IPO11: variants seen among roughly 807,000 people sequenced by gnomAD.
IPO11 encodes the protein importin 11, also known as importin-11.
IPO11 carries 66 observed loss-of-function variants against 143.2 expected under a neutral mutation model. The ratio of observed to expected loss-of-function variants is 0.46; its 90% CI spans 0.38 to 0.57. The LOEUF is 0.57. Ranked by LOEUF, IPO11 falls within the 20% of genes least tolerant of loss-of-function variation. The pLI, the probability that IPO11 is intolerant of heterozygous loss-of-function variation, is 0.00. For missense variants in IPO11, 1,026 were observed against 1,141.0 expected (o/e 0.90, Z 1.45); for synonymous variants, 385 against 377.8 (o/e 1.02, Z -0.22).
At chr5:62,519,923 G>A (rs2112294459) in intron 20 of IPO11, among the ~76,000 whole-genome samples, 1 of 152,236 alleles carries the variant, frequency 6.6e-6, no homozygotes, top group East Asian at 1.9e-4. Flanking sequence ...CTGTCATCTA[G>A]GGTCCCCTCT....
chr5:62,469,688 T>C (rs376548416), intron 6 of IPO11, among the ~76,000 whole-genome samples: 2 of 152,260 alleles, frequency 1.3e-5, no homozygotes, highest in East Asian at 3.9e-4. Context: ...CTGTAGACAA[T>C]AGATCAAGGA....
intron 24 of IPO11, among the ~76,000 whole-genome samples, chr5:62,547,739 C>G (rs1433849270): frequency 6.6e-6 from 1 of 152,014 alleles, no homozygotes; most frequent in Admixed American, 6.6e-5. Context: ...GCCACAACCC[C>G]CTCCTCCCTG....
At position 62,623,215 on chromosome 5, in the gene IPO11, C is replaced by G. The variant is rs115106375; in HGVS notation, c.2764-3939C>G. 4.7e-3 allele frequency among the ~76,000 whole-genome samples: 717 copies of G among 152,256 alleles called. 7 individuals are homozygous for G. The highest frequency in any genetic ancestry group is 0.017 in the African/African-American group (693 of 41,556). On this transcript the variant is annotated intron_variant, in intron 29 of 29. Coordinates refer to ENST00000325324, the MANE Select transcript of IPO11 (RefSeq NM_016338.5). ...TTTTTGAAGACCACATGGTTAAATA[C>G]ATTGTTGTAGATCAATTTTCCTTTA...
intron 1 of IPO11, among the ~76,000 whole-genome samples, chr5:62,427,401 A>T (rs1339491236): frequency 6.6e-6 from 1 of 152,128 alleles, no homozygotes; most frequent in South Asian, 2.1e-4. Context: ...TTTGTTGTGC[A>T]TTTTTTCCTC....
intron 27 of IPO11, chr5:62,561,980 G>A (rs1743788287): frequency 6.6e-6 from 1 of 152,130 alleles, no homozygotes; most frequent in Non-Finnish European, 1.5e-5. Context: ...ATGTGGTATG[G>A]GACATTGCTT....
At chr5:62,515,332 A>G in intron 19 of IPO11, 56 bp from the exon 20 acceptor site, 1 of 1,151,838 alleles carries the variant, frequency 8.7e-7, no homozygotes, top group Non-Finnish European at 1.3e-6. Flanking sequence ...TTTTCAAAGT[A>G]AATTGCCTTC....
At chr5:62,592,525 A>G (rs904894984) in intron 28 of IPO11, among the ~76,000 whole-genome samples, 2 of 152,176 alleles carry the variant, frequency 1.3e-5, no homozygotes, top group African/African-American at 4.8e-5. Context: ...CATTCAATGT[A>G]GGCAGGTTTT....
At chr5:62,425,427 C>T (rs1743696986) in intron 1 of IPO11, among the ~76,000 whole-genome samples, 1 of 152,206 alleles carries the variant, frequency 6.6e-6, no homozygotes, top group Non-Finnish European at 1.5e-5. Context: ...AGGCGATTCT[C>T]CTGCCTCAGC....
At chr5:62,414,329 A>G (rs898488170) in intron 1 of IPO11, among the ~76,000 whole-genome samples, 1 of 152,224 alleles carries the variant, frequency 6.6e-6, no homozygotes, top group South Asian at 2.1e-4. Context: ...AGCAATAAAA[A>G]TATTCAAATT....
At chr5:62,507,568 G>A (rs1055663003) in intron 19 of IPO11, among the ~76,000 whole-genome samples, 14 of 152,140 alleles carry the variant, frequency 9.2e-5, no homozygotes, top group African/African-American at 2.9e-4. Flanking sequence ...AGGATTTCAT[G>A]AGCATAAAAT....
chr5:62,545,931 TAA>T (rs1743157945), intron 24 of IPO11, among the ~76,000 whole-genome samples: 1 of 152,082 alleles, frequency 6.6e-6, no homozygotes, highest in Non-Finnish European at 1.5e-5. Context: ...TGGCAACCAT[TAA>T]AAAGTCAGGA....
intron 21 of IPO11, among the ~76,000 whole-genome samples, chr5:62,527,666 T>C (rs576990753): frequency 6.6e-5 from 10 of 152,282 alleles, no homozygotes; most frequent in African/African-American, 1.9e-4. Flanking sequence ...AGGGATTACA[T>C]TAAAAAGTAA....
At chr5:62,450,587 A>G (rs955764990) in intron 4 of IPO11, among the ~76,000 whole-genome samples, 3 of 151,146 alleles carry the variant, frequency 2.0e-5, no homozygotes, top group African/African-American at 7.3e-5. Flanking sequence ...TAAGTGATAC[A>G]TGGTTATATT....
intron 19 of IPO11, among the ~76,000 whole-genome samples, chr5:62,513,288 CGG>C (rs1417726411): frequency 9.0e-5 from 8 of 88,708 alleles, no homozygotes; most frequent in East Asian, 2.3e-4. Context: ...CCCTCCCGGA[CGG>C]GGCGGCTGGC....
intron 1 of IPO11, among the ~76,000 whole-genome samples, chr5:62,429,955 C>T (rs1743919593): frequency 6.6e-6 from 1 of 152,044 alleles, no homozygotes; most frequent in African/African-American, 2.4e-5. Flanking sequence ...GATGGGTTTT[C>T]ACCATGTTGG....
chr5:62,559,918 A>AAC (rs1743712253), intron 26 of IPO11, among the ~76,000 whole-genome samples: 1 of 120,328 alleles, frequency 8.3e-6, no homozygotes, highest in South Asian at 2.8e-4. Context: ...CTCTGTCTCA[A>AAC]AAAAAAAAAA....
intron 22 of IPO11, among the ~76,000 whole-genome samples, chr5:62,534,594 G>C (rs1742672379): frequency 6.6e-6 from 1 of 152,276 alleles, no homozygotes; most frequent in African/African-American, 2.4e-5. Context: ...GTTTACCTTA[G>C]AGTTCTGTAG....
intron 29 of IPO11, among the ~76,000 whole-genome samples, chr5:62,606,504 A>AG (rs1298801833): frequency 1.3e-5 from 2 of 150,400 alleles, no homozygotes; most frequent in Admixed American, 1.3e-4. Context: ...AAAAAAAAAA[A>AG]AAGGAGAACC....
intron 27 of IPO11, 66 bp from the exon 28 acceptor site, chr5:62,591,511 A>G (rs556866162): frequency 2.3e-6 from 2 of 864,934 alleles, no homozygotes; most frequent in South Asian, 1.8e-5. Flanking sequence ...GATGTTTAGG[A>G]AAAAAAAAAC....
Sources: allele counts gnomAD v4.1 joint callset (sites outside exome capture counted in the v4.1 genomes callset), GRCh38; gene constraint gnomAD v4.1.1; transcripts MANE v1.5; gene names NCBI Gene and HGNC (gene_info 2026-07-23, HGNC 2026-07-21).